Variants in GRID1 observed in about 807,000 individuals in gnomAD.
GRID1 encodes the protein glutamate ionotropic receptor delta type subunit 1, also known as glutamate receptor ionotropic, delta-1.
A neutral mutation model predicts 98.0 loss-of-function variants in GRID1; 28 were observed. That is an observed-to-expected ratio of 0.29 (90% CI 0.21 to 0.39). The LOEUF (loss-of-function observed/expected upper bound fraction) is 0.39, where lower values mean the gene tolerates loss of function less well. GRID1 is among the 10% of genes least tolerant of loss of function. The pLI, the probability that GRID1 is intolerant of heterozygous loss-of-function variation, is 1.00. For synonymous variants in GRID1, 553 were observed against 538.5 expected (o/e 1.03, Z -0.37); for missense variants, 1,111 against 1,340.5 (o/e 0.83, Z 2.67).
intron 2 of GRID1, among the ~76,000 whole-genome samples, chr10:86,320,822 G>A (rs1018021619): frequency 1.3e-4 from 20 of 152,098 alleles, no homozygotes; most frequent in African/African-American, 1.7e-4. Context: ...GGAGAGAGCC[G>A]GGCGCGGTGG....
chr10:85,815,104 C>T (rs980866053), intron 8 of GRID1, among the ~76,000 whole-genome samples: 3 of 151,952 alleles, frequency 2.0e-5, no homozygotes, highest in Admixed American at 1.3e-4. Context: ...ATACAAAAAT[C>T]AATTGCTGGA....
chr10:85,911,361 G>C (rs989156911), intron 5 of GRID1, among the ~76,000 whole-genome samples: 6 of 152,144 alleles, frequency 3.9e-5, no homozygotes, highest in African/African-American at 1.4e-4. Flanking sequence ...AGAGGATCTT[G>C]AGTCAAGCTG....
chr10:85,703,192 T>TTTTA (rs1841472791), intron 12 of GRID1, among the ~76,000 whole-genome samples: 1 of 152,106 alleles, frequency 6.6e-6, no homozygotes, highest in African/African-American at 2.4e-5. Context: ...TTAATTAATG[T>TTTTA]ATAAAGGCAA....
At chr10:86,106,016 G>A (rs1246707628) in intron 4 of GRID1, among the ~76,000 whole-genome samples, 1 of 152,138 alleles carries the variant, frequency 6.6e-6, no homozygotes, top group Non-Finnish European at 1.5e-5. Context: ...TTGCAAAGGA[G>A]GATGATGATA....
At chr10:86,228,752 G>T (rs577264361) in intron 2 of GRID1, among the ~76,000 whole-genome samples, 6 of 152,268 alleles carry the variant, frequency 3.9e-5, no homozygotes, top group Non-Finnish European at 7.4e-5. Flanking sequence ...CACATTCAGG[G>T]AGCTGGGTCA....
At chr10:85,645,628 G>A (rs1590172692) in intron 13 of GRID1, 4 of 152,316 alleles carry the variant, frequency 2.6e-5, no homozygotes, top group Admixed American at 2.6e-4. Context: ...AAATCCAAGA[G>A]TTCCCAAACA....
At chr10:85,732,669 T>C (rs1841838886) in intron 8 of GRID1, among the ~76,000 whole-genome samples, 1 of 152,152 alleles carries the variant, frequency 6.6e-6, no homozygotes, top group South Asian at 2.1e-4. Flanking sequence ...CAGCCTCTCT[T>C]ATAGCACATC....
rs150158208 is a variant in GRID1, at chr10:86,066,958, T to C, written c.726+71861A>G. Among the ~76,000 whole-genome samples the C allele has an allele frequency of 3.3e-5, 5 of 152,314 alleles. No homozygotes were observed. In the East Asian group the frequency reaches 7.7e-4, roughly 24 times the overall value. ...CCGCGGGCCACTGTCACACCTGTCA[T>C]GAAGCCCTTGAAACTACAAAGCCTC... On this transcript the variant is annotated intron_variant, in intron 4 of 15. Coordinates refer to ENST00000327946, the MANE Select transcript of GRID1 (RefSeq NM_017551.3).
At chr10:86,005,849 A>T (rs1052115746) in intron 4 of GRID1, among the ~76,000 whole-genome samples, 18 of 152,362 alleles carry the variant, frequency 1.2e-4, no homozygotes, top group African/African-American at 4.3e-4. Context: ...CTGGTCTCTG[A>T]AACACTTAAA....
intron 4 of GRID1, among the ~76,000 whole-genome samples, chr10:85,976,672 C>T (rs920330316): frequency 2.0e-5 from 3 of 152,192 alleles, no homozygotes; most frequent in Non-Finnish European, 4.4e-5. Flanking sequence ...GGAGACGTAG[C>T]CCTCGTCCAG....
chr10:85,834,508 G>T (rs1842895813), intron 8 of GRID1, among the ~76,000 whole-genome samples: 1 of 152,058 alleles, frequency 6.6e-6, no homozygotes, highest in Admixed American at 6.6e-5. Flanking sequence ...TGGAGCTTTA[G>T]GAAGTAAAAA....
At chr10:86,173,816 A>C (rs2131995328) in intron 3 of GRID1, among the ~76,000 whole-genome samples, 1 of 144,600 alleles carries the variant, frequency 6.9e-6, no homozygotes, top group South Asian at 2.2e-4. Context: ...ATGAGTGAGA[A>C]TATGCGGTGT....
At chr10:86,309,954 C>T (rs962019111) in intron 2 of GRID1, among the ~76,000 whole-genome samples, 1 of 152,188 alleles carries the variant, frequency 6.6e-6, no homozygotes, top group Non-Finnish European at 1.5e-5. Flanking sequence ...TCTCCCTCAC[C>T]ACCTTTCCAG....
intron 8 of GRID1, among the ~76,000 whole-genome samples, chr10:85,758,736 C>A (rs1842121008): frequency 6.6e-6 from 1 of 152,104 alleles, no homozygotes; most frequent in Admixed American, 6.5e-5. Context: ...TAGTAGCTCA[C>A]CACAGCCTAT....
At chr10:86,360,378 G>A (rs374430060) in intron 2 of GRID1, among the ~76,000 whole-genome samples, 1 of 152,192 alleles carries the variant, frequency 6.6e-6, no homozygotes, top group African/African-American at 2.4e-5. Context: ...GCAATTCAGA[G>A]TGATTTTGTT....
At chr10:86,230,297 G>A (rs1846430695) in intron 2 of GRID1, among the ~76,000 whole-genome samples, 1 of 151,826 alleles carries the variant, frequency 6.6e-6, no homozygotes, top group Non-Finnish European at 1.5e-5. Flanking sequence ...GGCCACCACA[G>A]GTCTCCACTT....
At chr10:86,208,992 A>G (rs192918900) in intron 2 of GRID1, among the ~76,000 whole-genome samples, 1 of 152,340 alleles carries the variant, frequency 6.6e-6, no homozygotes, top group East Asian at 1.9e-4. Flanking sequence ...CTGAAAGTAT[A>G]TATAGCCTTT....
intron 3 of GRID1, among the ~76,000 whole-genome samples, chr10:86,178,100 G>A (rs1286560941): frequency 6.6e-6 from 1 of 152,134 alleles, no homozygotes; most frequent in South Asian, 2.1e-4. Context: ...TCAGAAATCA[G>A]CTCCACTCCA....
At chr10:85,727,451 G>T (rs1349729688) in intron 10 of GRID1, among the ~76,000 whole-genome samples, 1 of 152,170 alleles carries the variant, frequency 6.6e-6, no homozygotes, top group Non-Finnish European at 1.5e-5. Context: ...TAGCAATGTA[G>T]ACATACACAC....
Sources: gnomAD v4.1 joint callset for allele counts (sites outside exome capture counted in the v4.1 genomes callset) on GRCh38, gnomAD v4.1.1 for gene constraint, MANE v1.5 for transcripts, NCBI Gene and HGNC (gene_info 2026-07-23, HGNC 2026-07-21) for gene names.